The following STK38L variants were observed in gnomAD, a reference collection of about 807,000 sequenced individuals.
The protein encoded by STK38L is serine/threonine-protein kinase 38-like.
A neutral mutation model predicts 59.7 loss-of-function variants in STK38L; 28 were observed. The observed-to-expected ratio is 0.47, with a 90% CI of 0.35 to 0.64. The LOEUF (loss-of-function observed/expected upper bound fraction) is 0.64. Among genes scored for constraint, STK38L ranks in the 30% least tolerant of loss-of-function variants. The probability of loss-of-function intolerance (pLI) is 0.01; values close to 1 mark genes in which losing one functional copy is unlikely to be tolerated. For synonymous variants in STK38L, 162 were observed against 176.8 expected, an observed-to-expected ratio of 0.92 and a Z score of 0.66; for missense variants, 314 against 555.8, an observed-to-expected ratio of 0.56 and a Z score of 4.37.
intron 1 of STK38L, among the ~76,000 whole-genome samples, chr12:27,282,021 G>A (rs1245250927): frequency 6.6e-6 from 1 of 152,166 alleles, no homozygotes; most frequent in Admixed American, 6.5e-5. Flanking sequence ...GGGTGACAGA[G>A]GGAGACTGTC....
chr12:27,318,978 G>A lies in STK38L; in HGVS notation c.1080-350G>A, dbSNP rs368436280. ...TGCACTCCAGCCTGTGTGACAGAGC[G>A]AGACTCCGTCTCACAAACAAACGAA... On this transcript the variant is annotated intron_variant, in intron 11 of 13. Coordinates refer to ENST00000389032, the MANE Select transcript of STK38L (RefSeq NM_015000.4). Among the ~76,000 whole-genome samples, 684 of 152,202 alleles carry A rather than the reference G, an allele frequency of 4.5e-3. 7 individuals are homozygous for A. The highest frequency in any genetic ancestry group is 0.016 in the African/African-American group (653 of 41,524).
In STK38L at chr12:27,315,275, ATTG is replaced by A; in HGVS notation, c.776-10_776-8del. On this transcript the variant is annotated splice_polypyrimidine_tract_variant and intron_variant, in intron 8 of 13. Coordinates refer to ENST00000389032, the MANE Select transcript of STK38L (RefSeq NM_015000.4). The stretch of plus-strand genomic sequence containing the variant: ...TTTTCCCTCGTGATTACAATTCCAT[ATTG>A]TTGAAATTAGCATTTCAGAACATGA... 6.2e-7 allele frequency: 1 copy of A among 1,613,170 alleles called. No individual in the cohort carries two copies. The highest frequency in any genetic ancestry group is 2.2e-5 in the East Asian group (1 of 44,788).
In STK38L at chr12:27,308,898, A is replaced by AAATATATATAAATATATATT. The variant is rs1232849067; in HGVS notation, c.310-203_310-184dup. Among the ~76,000 whole-genome samples, 6 of 145,476 alleles carry AAATATATATAAATATATATT rather than the reference A, an allele frequency of 4.1e-5. No homozygotes were observed. The highest frequency in any genetic ancestry group is 4.2e-4 in the South Asian group (2 of 4,778). ...TAAATATATATAAATGTAAATATATAAATATATATAAATATATATTAATAT... is the reference window on the plus strand; with the variant it reads ...TAAATATATATAAATGTAAATATATAAATATATATAAATATATATTAATATATATAAATATATATTAATAT... On this transcript the variant is annotated intron_variant, in intron 4 of 13. Transcript: ENST00000389032. The surrounding 1 kb of genome is among the most constrained non-coding windows in gnomAD (Gnocchi z 4.5).
intron 1 of STK38L, among the ~76,000 whole-genome samples, chr12:27,275,698 C>G (rs1245754249): frequency 6.6e-6 from 1 of 152,180 alleles, no homozygotes; most frequent in Admixed American, 6.5e-5. Flanking sequence ...ATTCTACCCA[C>G]ATGTGACACT....
At chr12:27,306,093 C>T (rs1944304346) in intron 3 of STK38L, among the ~76,000 whole-genome samples, 1 of 152,018 alleles carries the variant, frequency 6.6e-6, no homozygotes, top group Non-Finnish European at 1.5e-5. Flanking sequence ...ATAGGTGATG[C>T]TCATTTTTAT....
intron 1 of STK38L, among the ~76,000 whole-genome samples, chr12:27,257,809 A>G (rs60850959): frequency 0.087 from 13,164 of 151,642 alleles, 1,098 homozygotes; most frequent in East Asian, 0.4. Flanking sequence ...TCAGCCCAAG[A>G]TTAAGATTGT....
chr12:27,292,977 G>C (rs181970934), intron 1 of STK38L, among the ~76,000 whole-genome samples: 1 of 152,118 alleles, frequency 6.6e-6, no homozygotes, highest in Non-Finnish European at 1.5e-5. Flanking sequence ...ATCTCACTCT[G>C]TTACCCAGGC....
At chr12:27,311,394 T>C (rs1214685767) in intron 5 of STK38L, among the ~76,000 whole-genome samples, 3 of 152,240 alleles carry the variant, frequency 2.0e-5, no homozygotes, top group East Asian at 3.8e-4. Flanking sequence ...AAGCAGATCA[T>C]ATTTTATTAT....
rs368962103 is a variant in STK38L at position 27,270,105 on chromosome 12, C to A, written c.-12+25773C>A. Among the ~76,000 whole-genome samples the A allele has an allele frequency of 3.3e-5, 5 of 152,276 alleles. 1 individual carries two copies. Among genetic ancestry groups the A allele is most frequent in the African/African-American group, 1.2e-4 (5 of 41,554 alleles). On this transcript the variant is annotated intron_variant, in intron 1 of 13. Coordinates refer to ENST00000389032, the MANE Select transcript of STK38L (RefSeq NM_015000.4). The stretch of plus-strand genomic sequence containing the variant: ...CTCTCCGAATGTACTGGGATTATTT[C>A]GAAGACAAAACATTTTTGGCACTGT...
rs1320574231 is a variant in STK38L, at chr12:27,308,859, AATATATATAAATATAAAT to A, written c.310-247_310-230del. Among the ~76,000 whole-genome samples, 2 of 135,560 alleles carry A rather than the reference AATATATATAAATATAAAT, an allele frequency of 1.5e-5. No individual in the cohort carries two copies. Among genetic ancestry groups the A allele is most frequent in the African/African-American group, 5.1e-5 (2 of 39,362 alleles). The allele number at this position is 135,560 out of a possible 152,430, so 88.9% of individuals were successfully genotyped here. ...ATGTGTTTGTATGTATATATAAAAA[AATATATATAAATATAAAT>A]ATATATAAATGTAAATATATAAATA... is the stretch of plus-strand genomic sequence containing the variant. On this transcript the variant is annotated intron_variant, in intron 4 of 13. Coordinates refer to ENST00000389032, the MANE Select transcript of STK38L (RefSeq NM_015000.4). This position sits in a 1 kb window ranked among gnomAD's most constrained non-coding sequence, Gnocchi z 4.5.
intron 5 of STK38L, 125 bp from the exon 6 acceptor site, chr12:27,312,424 G>A: frequency 1.0e-6 from 1 of 980,928 alleles, no homozygotes. Context: ...ATTCATACAT[G>A]TATCAAATCT....
intron 2 of STK38L, 35 bp from the exon 3 acceptor site, chr12:27,302,102 G>C: frequency 6.6e-7 from 1 of 1,524,382 alleles, no homozygotes; most frequent in South Asian, 1.2e-5. Flanking sequence ...AGTTAGGAAT[G>C]TATTTAAAAT....
chr12:27,264,614 T>C (rs987675919), intron 1 of STK38L, among the ~76,000 whole-genome samples: 19 of 152,184 alleles, frequency 1.2e-4, no homozygotes, highest in African/African-American at 4.6e-4. Context: ...TAAAAAATGA[T>C]ACAAATAAAA....
intron 1 of STK38L, among the ~76,000 whole-genome samples, chr12:27,284,786 G>T (rs916821229): frequency 6.6e-6 from 1 of 152,200 alleles, no homozygotes; most frequent in Non-Finnish European, 1.5e-5. Context: ...TAGGTAGTAA[G>T]CTGTTCAGGT....
intron 3 of STK38L, among the ~76,000 whole-genome samples, chr12:27,303,854 T>A (rs1944241025): frequency 6.6e-6 from 1 of 151,988 alleles, no homozygotes; most frequent in South Asian, 2.1e-4. Context: ...AAGGGTGCAA[T>A]AAAAGGAAAT....
In STK38L at chr12:27,319,183, C is replaced by T. The variant is rs1055508800; in HGVS notation, c.1080-145C>T. 12 of 560,604 alleles carry T rather than the reference C, an allele frequency of 2.1e-5. No homozygotes were observed. The Admixed American group carries it at 3.7e-4, about 17-fold the overall frequency. 34.7% of individuals were successfully genotyped at this position (560,604 alleles called of 1,614,324 possible). On this transcript the variant is annotated intron_variant, in intron 11 of 13. Coordinates refer to ENST00000389032, the MANE Select transcript of STK38L (RefSeq NM_015000.4). Reference sequence around the variant, plus strand: ...TGCGCTTACAGATGATTTTTATTTTCTTCCACATTTCCTACAATAAACATA... The same window carrying T: ...TGCGCTTACAGATGATTTTTATTTTTTTCCACATTTCCTACAATAAACATA...
chr12:27,288,008 G>A (rs12322672), intron 1 of STK38L, among the ~76,000 whole-genome samples: 9,596 of 152,152 alleles, frequency 0.063, 945 homozygotes, highest in African/African-American at 0.21. Flanking sequence ...TCAGTCTCCC[G>A]AGTAGCTGGG....
chr12:27,295,187 C>T (rs1943986303), intron 1 of STK38L, among the ~76,000 whole-genome samples: 2 of 152,154 alleles, frequency 1.3e-5, no homozygotes, highest in Admixed American at 6.5e-5. Flanking sequence ...AAATAATGCT[C>T]ATTATTATTA....
intron 1 of STK38L, among the ~76,000 whole-genome samples, chr12:27,253,794 A>G (rs1007382490): frequency 1.2e-4 from 18 of 152,164 alleles, no homozygotes; most frequent in African/African-American, 4.3e-4. Context: ...CACGAAGCAT[A>G]TTAGGGGGCC....
Sources: allele counts gnomAD v4.1 joint callset (sites outside exome capture counted in the v4.1 genomes callset), GRCh38; gene constraint gnomAD v4.1.1; non-coding constraint Gnocchi (gnomAD v3.1); transcripts MANE v1.5; gene names NCBI Gene and HGNC (gene_info 2026-07-23, HGNC 2026-07-21).